SIPA1L1: variants seen among roughly 807,000 people sequenced by gnomAD.
SIPA1L1 encodes signal induced proliferation associated 1 like 1, also known as signal-induced proliferation-associated 1-like protein 1.
Under a neutral mutation model 162.7 loss-of-function variants are expected in SIPA1L1, and 26 were observed. The observed-to-expected ratio is 0.16, with a 90% CI of 0.12 to 0.22. SIPA1L1 has a LOEUF of 0.22. Ranked by LOEUF, SIPA1L1 falls within the 10% of genes least tolerant of loss-of-function variation. The pLI is 1.00. For missense variants in SIPA1L1, 1,874 were observed against 2,241.0 expected, an observed-to-expected ratio of 0.84 and a Z score of 3.31; for synonymous variants, 829 against 837.4, an observed-to-expected ratio of 0.99 and a Z score of 0.17.
intron 2 of SIPA1L1, among the ~76,000 whole-genome samples, chr14:71,444,157 C>T (rs1367924633): frequency 6.6e-6 from 1 of 152,158 alleles, no homozygotes; most frequent in African/African-American, 2.4e-5. Context: ...TTCAGTTACC[C>T]TGAAGTCTAG....
intron 2 of SIPA1L1, among the ~76,000 whole-genome samples, chr14:71,504,543 A>G (rs1467562820): frequency 6.6e-6 from 1 of 152,198 alleles, no homozygotes; most frequent in Non-Finnish European, 1.5e-5. Context: ...AAAATAAAAG[A>G]TACCTTCTAT....
At chr14:71,419,519 C>A in intron 2 of SIPA1L1, among the ~76,000 whole-genome samples, 1 of 113,672 alleles carries the variant, frequency 8.8e-6, no homozygotes, top group Non-Finnish European at 1.6e-5. Flanking sequence ...GAGACGGAGT[C>A]TCGCTCTGTC....
chr14:71,419,105 G>A (rs555640310), intron 2 of SIPA1L1, among the ~76,000 whole-genome samples: 1 of 152,278 alleles, frequency 6.6e-6, no homozygotes, highest in Admixed American at 6.5e-5. Flanking sequence ...CTCAGCACAT[G>A]ACTAGCCTTG....
chr14:71,588,109 G>T lies in SIPA1L1; in HGVS notation c.237G>T (p.Arg79Ser). The change falls in exon 5 of 24, where the codon AGG becomes AGT. Residue 79 changes from arginine to serine, a missense_variant. Coordinates refer to ENST00000381232, the MANE Select transcript of SIPA1L1 (RefSeq NM_001386936.1). This position sits in a 1 kb window ranked among gnomAD's most constrained non-coding sequence, Gnocchi z 4.3. Reference sequence around the variant, plus strand: ...TCCCAAAAATGGGGGTAAGGGCAAGGATTGCAGATTGGCCCCCAAGAAAGG... The same window carrying T: ...TCCCAAAAATGGGGGTAAGGGCAAGTATTGCAGATTGGCCCCCAAGAAAGG... ...PGVPKMGVRA[R>S]IADWPPRKEN... 1 of 1,614,168 alleles carries T rather than the reference G, an allele frequency of 6.2e-7. No individual in the cohort carries two copies. The highest frequency in any genetic ancestry group is 8.5e-7 in the Non-Finnish European group (1 of 1,180,008).
At chr14:71,485,459 T>TC (rs760705787) in intron 2 of SIPA1L1, among the ~76,000 whole-genome samples, 3 of 152,092 alleles carry the variant, frequency 2.0e-5, no homozygotes, top group Non-Finnish European at 4.4e-5. Flanking sequence ...CATTAGATTC[T>TC]TATAGGAGTG....
chr14:71,360,679 C>G (rs1253274399), intron 2 of SIPA1L1, among the ~76,000 whole-genome samples: 2 of 152,076 alleles, frequency 1.3e-5, no homozygotes, highest in African/African-American at 2.4e-5. Context: ...CAAAAATGTG[C>G]TTACTTGAGG....
At chr14:71,538,252 G>A (rs563084159) in intron 4 of SIPA1L1, among the ~76,000 whole-genome samples, 3 of 152,216 alleles carry the variant, frequency 2.0e-5, no homozygotes, top group Admixed American at 6.5e-5. Flanking sequence ...TGGTCCCAGC[G>A]AGGTGATTTC....
intron 2 of SIPA1L1, among the ~76,000 whole-genome samples, chr14:71,398,713 C>T (rs1217547490): frequency 1.3e-5 from 2 of 152,170 alleles, no homozygotes; most frequent in East Asian, 3.8e-4. Flanking sequence ...GAGGCCAAAG[C>T]TAGATGACAG....
rs2053206253 is a variant in SIPA1L1, at chr14:71,529,288, GTTTT to G, written c.-361-19_-361-16del. 2.8e-5 allele frequency: 17 copies of G among 609,154 alleles called. No individual in the cohort carries two copies. The South Asian group carries it at 3.4e-4, about 12-fold the overall frequency. The allele number at this position is 609,154 out of a possible 1,614,324, so 37.7% of individuals were successfully genotyped here. On this transcript the variant is annotated intron_variant, in intron 3 of 23. Coordinates refer to ENST00000381232, the MANE Select transcript of SIPA1L1 (RefSeq NM_001386936.1). ...TGAAATTTATTGTGCACTTAACCAGGTTTTTTTTCTAATTTTATTTCAGGTTATA... is the reference window on the plus strand; with the variant it reads ...TGAAATTTATTGTGCACTTAACCAGGTTTTCTAATTTTATTTCAGGTTATA...
intron 2 of SIPA1L1, among the ~76,000 whole-genome samples, chr14:71,483,244 C>T (rs1481153125): frequency 2.6e-5 from 4 of 152,192 alleles, no homozygotes; most frequent in South Asian, 2.1e-4. Flanking sequence ...TTTGGGGTAC[C>T]GTTTTTCTTT....
chr14:71,681,718 C>G (rs2045825639), intron 12 of SIPA1L1, among the ~76,000 whole-genome samples: 1 of 152,148 alleles, frequency 6.6e-6, no homozygotes, highest in African/African-American at 2.4e-5. Context: ...AAACATAAAA[C>G]TTTTCTGACT....
At chr14:71,559,725 T>A (rs1360262741) in intron 4 of SIPA1L1, among the ~76,000 whole-genome samples, 1 of 152,232 alleles carries the variant, frequency 6.6e-6, no homozygotes, top group African/African-American at 2.4e-5. Context: ...AAAACTTTTC[T>A]GCATTTTTTC....
chr14:71,709,976 T>G (rs1291463013), intron 17 of SIPA1L1, among the ~76,000 whole-genome samples: 1 of 152,230 alleles, frequency 6.6e-6, no homozygotes, highest in African/African-American at 2.4e-5. Context: ...TGGCTTTCGG[T>G]GAGTAATAGG....
chr14:71,474,199 G>A (rs950040319), intron 2 of SIPA1L1, among the ~76,000 whole-genome samples: 3 of 152,246 alleles, frequency 2.0e-5, no homozygotes, highest in African/African-American at 7.2e-5. Context: ...AAAATGAGCC[G>A]TAAATAGTTG....
In SIPA1L1 at chr14:71,330,444, A is replaced by G. The variant is rs1594842736; in HGVS notation, c.-465+9263A>G. Reference sequence around the variant, plus strand: ...GGATCTCAGCAGCCTTGCTGTGCTCAATATCTTGGAAATCCACATCATTCA... The same window carrying G: ...GGATCTCAGCAGCCTTGCTGTGCTCGATATCTTGGAAATCCACATCATTCA... On this transcript the variant is annotated intron_variant, in intron 2 of 23. Transcript: ENST00000381232. 3.8e-6 allele frequency: 6 copies of G among 1,584,632 alleles called. No individual in the cohort carries two copies. The East Asian group carries it at 8.9e-5, about 24-fold the overall frequency.
intron 2 of SIPA1L1, among the ~76,000 whole-genome samples, chr14:71,466,772 G>T (rs1180211912): frequency 6.6e-6 from 1 of 152,066 alleles, no homozygotes; most frequent in African/African-American, 2.4e-5. Flanking sequence ...GGATGTTCAT[G>T]GTCTCAAGCA....
intron 13 of SIPA1L1, among the ~76,000 whole-genome samples, chr14:71,687,936 C>T (rs2080988515): frequency 1.3e-5 from 2 of 152,172 alleles, no homozygotes; most frequent in South Asian, 4.1e-4. Context: ...ATATTCAGTA[C>T]ACTAGACTAG....
At chr14:71,715,667 A>G (rs2083214770) in intron 17 of SIPA1L1, among the ~76,000 whole-genome samples, 1 of 152,240 alleles carries the variant, frequency 6.6e-6, no homozygotes, top group Non-Finnish European at 1.5e-5. Context: ...TTTTAAGACC[A>G]AAGGTTTTTT....
intron 3 of SIPA1L1, among the ~76,000 whole-genome samples, chr14:71,515,475 T>TCTATGG (rs2051621936): frequency 6.6e-6 from 1 of 152,200 alleles, no homozygotes; most frequent in Non-Finnish European, 1.5e-5. Context: ...GCTATGGAAT[T>TCTATGG]GCTCATTTTG....
Sources: allele counts gnomAD v4.1 joint callset (sites outside exome capture counted in the v4.1 genomes callset), GRCh38; gene constraint gnomAD v4.1.1; non-coding constraint Gnocchi (gnomAD v3.1); transcripts MANE v1.5; gene names NCBI Gene and HGNC (gene_info 2026-07-23, HGNC 2026-07-21).